The following SLC6A19 variants were observed in gnomAD, a reference collection of about 807,000 sequenced individuals.
The protein encoded by SLC6A19 is solute carrier family 6 member 19, also known as sodium-dependent neutral amino acid transporter B(0)AT1.
In SLC6A19, 67 loss-of-function variants were observed where a neutral mutation model predicts 68.3. That is an observed-to-expected ratio of 0.98 (90% CI 0.81 to 1.20). The LOEUF is 1.20. SLC6A19 is among the 50% of genes most tolerant of loss of function. The pLI is 0.00. For missense variants in SLC6A19, 813 were observed against 851.6 expected (o/e 0.95, Z 0.56); for synonymous variants, 392 against 374.9 (o/e 1.05, Z -0.53).
Position 1,222,387 on chromosome 5 carries a change from A to G in SLC6A19, c.*483A>G. 2.2e-6 allele frequency: 1 copy of G among 462,398 alleles called. No homozygotes were observed. Among genetic ancestry groups the G allele is most frequent in the African/African-American group, 1.9e-5 (1 of 51,896 alleles). The allele number at this position is 462,398 out of a possible 1,614,324, so 28.6% of individuals were successfully genotyped here. A position where few individuals can be genotyped will look rare whatever the true frequency, so the allele number is the denominator to read the frequency against. On this transcript the variant is annotated 3_prime_UTR_variant, in exon 12 of 12. Transcript: ENST00000304460. ...GCTCGTACAATGGGTGTCCACATGC[A>G]CGTGTATATGTATATCTGTGAGTGT...
intron 1 of SLC6A19, 35 bp from the exon 2 acceptor site, chr5:1,208,709 AAC>A: frequency 6.2e-7 from 1 of 1,612,936 alleles, no homozygotes; most frequent in Non-Finnish European, 8.5e-7. Flanking sequence ...CTCCCCCGGG[AAC>A]GGCTCTCAGG....
chr5:1,217,541 C>T (rs1746243378), intron 8 of SLC6A19, among the ~76,000 whole-genome samples: 1 of 152,220 alleles, frequency 6.6e-6, no homozygotes, highest in African/African-American at 2.4e-5. Context: ...CTTCAGGGCC[C>T]AGTGCTGCTT....
Position 1,222,066 on chromosome 5 carries a change from T to C in SLC6A19, c.*162T>C, listed in dbSNP as rs1184401660. On this transcript the variant is annotated 3_prime_UTR_variant, in exon 12 of 12. Transcript: ENST00000304460. Reference sequence around the variant, plus strand: ...CACGCATGTGCCATGTGTGCAGATATGTATCGTGTGTGCATGTACATGCAT... The same window carrying C: ...CACGCATGTGCCATGTGTGCAGATACGTATCGTGTGTGCATGTACATGCAT... The C allele has an allele frequency of 1.8e-5, 14 of 780,856 alleles. No individual in the cohort carries two copies. Among genetic ancestry groups the C allele is most frequent in the Non-Finnish European group, 2.9e-5 (14 of 483,870 alleles). 48.4% of individuals were successfully genotyped at this position (780,856 alleles called of 1,614,324 possible). A position where few individuals can be genotyped will look rare whatever the true frequency, so the allele number is the denominator to read the frequency against.
rs1259986392 is a variant in SLC6A19, at chr5:1,218,929, C to T, written c.1200C>T (p.Phe400=). The change falls in exon 9 of 12, where the codon TTC becomes TTT. Residue 400 remains phenylalanine (F), a synonymous_variant. Coordinates refer to ENST00000304460, the MANE Select transcript of SLC6A19 (RefSeq NM_001003841.3). ...SEAVEGTGLA[F]IVFTEAITKM... ...CCGTGGAGGGCACAGGCCTGGCCTT[C>T]ATCGTCTTCACCGAGGCCATCACCA... 2 of 1,613,816 alleles carry T rather than the reference C, an allele frequency of 1.2e-6. No homozygotes were observed. Among genetic ancestry groups the T allele is most frequent in the Non-Finnish European group, 1.7e-6 (2 of 1,180,024 alleles).
Position 1,222,307 on chromosome 5 carries a change from TTG to T in SLC6A19, c.*410_*411del. 1 of 541,996 alleles carries T rather than the reference TTG, an allele frequency of 1.8e-6. No homozygotes were observed. The highest frequency in any genetic ancestry group is 3.3e-5 in the Admixed American group (1 of 29,966). The allele number at this position is 541,996 out of a possible 1,614,324, so 33.6% of individuals were successfully genotyped here. On this transcript the variant is annotated 3_prime_UTR_variant, in exon 12 of 12. Coordinates refer to ENST00000304460, the MANE Select transcript of SLC6A19 (RefSeq NM_001003841.3). ...GTATATATAGACATACATGCCTATG[TTG>T]TGTGTGGTGTGCATATGTGTGAACA...
chr5:1,211,035 G>A (rs189391655), intron 3 of SLC6A19, among the ~76,000 whole-genome samples: 48 of 152,310 alleles, frequency 3.2e-4, no homozygotes, highest in African/African-American at 1.1e-3. Flanking sequence ...GGGAGGGAGC[G>A]TAGGGGGCAG....
chr5:1,213,829 G>A, intron 5 of SLC6A19, 124 bp from the exon 6 acceptor site: 1 of 1,491,164 alleles, frequency 6.7e-7, no homozygotes, highest in Non-Finnish European at 9.2e-7. Context: ...CACCCCAGGG[G>A]GCCCTGGCCT....
At position 1,219,065 on chromosome 5, in the gene SLC6A19, C is replaced by T. The variant is rs1360899042; in HGVS notation, c.1336C>T (p.Leu446Phe). 2 of 1,613,948 alleles carry T rather than the reference C, an allele frequency of 1.2e-6. No homozygotes were observed. Among genetic ancestry groups the T allele is most frequent in the East Asian group, 4.5e-5 (2 of 44,852 alleles). The change falls in exon 9 of 12, where the codon CTC becomes TTC. Residue 446 changes from leucine (L) to phenylalanine (F), a missense_variant. Transcript: ENST00000304460. ...GGGCGTCGTTGTGCCCCTGCAGGACCTCAGAGTCATCCCCCCGAAGTGGCC... is the reference window on the plus strand; with the variant it reads ...GGGCGTCGTTGTGCCCCTGCAGGACTTCAGAGTCATCCCCCCGAAGTGGCC... The part of the protein sequence containing the change: ...MEGVVVPLQD[L>F]RVIPPKWPKE...
At chr5:1,204,107 A>G (rs958282057) in intron 1 of SLC6A19, among the ~76,000 whole-genome samples, 2 of 152,156 alleles carry the variant, frequency 1.3e-5, no homozygotes, top group Non-Finnish European at 2.9e-5. Flanking sequence ...TTCCTAATTG[A>G]TGCGGGTCAT....
At chr5:1,219,260 G>A (rs1213012619) in intron 9 of SLC6A19, among the ~76,000 whole-genome samples, 153 bp downstream of exon 9, 1 of 150,402 alleles carries the variant, frequency 6.6e-6, no homozygotes, top group Non-Finnish European at 1.5e-5. Context: ...GCCCCCAGGC[G>A]TGTGAACAGC....
rs1746407510 is a variant in SLC6A19 at position 1,222,220 on chromosome 5, G to A, written c.*316G>A. 3.4e-6 allele frequency: 2 copies of A among 586,896 alleles called. No individual in the cohort carries two copies. The highest frequency in any genetic ancestry group is 2.1e-5 in the South Asian group (1 of 46,640). 36.4% of individuals were successfully genotyped at this position (586,896 alleles called of 1,614,324 possible). A position where few individuals can be genotyped will look rare whatever the true frequency, so the allele number is the denominator to read the frequency against. On this transcript the variant is annotated 3_prime_UTR_variant, in exon 12 of 12. Coordinates refer to ENST00000304460, the MANE Select transcript of SLC6A19 (RefSeq NM_001003841.3). ...GTGCATGTACATGTATGGACATTGT[G>A]TGAGTGTGCAAGTGTGCATGCATAT...
intron 1 of SLC6A19, among the ~76,000 whole-genome samples, chr5:1,203,385 G>A (rs1189195885): frequency 6.6e-6 from 1 of 152,144 alleles, no homozygotes; most frequent in Non-Finnish European, 1.5e-5. Flanking sequence ...GCTGCACCCT[G>A]GGCCATGCTG....
Position 1,201,815 on chromosome 5 carries a change from G to T in SLC6A19, c.165G>T (p.Val55=). 6.2e-7 allele frequency: 1 copy of T among 1,612,258 alleles called. No individual in the cohort carries two copies. ...CLGFCVGLGN[V]WRFPYLCQSH... is the part of the protein sequence containing the mutation. Reference sequence around the variant, plus strand: ...GCTTCTGCGTGGGCCTCGGCAACGTGTGGCGCTTCCCCTACCTGTGTCAGA... The same window carrying T: ...GCTTCTGCGTGGGCCTCGGCAACGTTTGGCGCTTCCCCTACCTGTGTCAGA... Residue 55 remains valine, a synonymous_variant, in exon 1 of 12, where the codon GTG becomes GTT. Transcript: ENST00000304460.
rs1211850814 is a variant in SLC6A19 at position 1,214,370 on chromosome 5, C to G, written c.887+305C>G. Among the ~76,000 whole-genome samples the G allele has an allele frequency of 6.6e-6, 1 of 152,152 alleles. No individual in the cohort carries two copies. The highest frequency in any genetic ancestry group is 6.5e-5 in the Admixed American group (1 of 15,290). On this transcript the variant is annotated intron_variant, in intron 6 of 11. Coordinates refer to ENST00000304460, the MANE Select transcript of SLC6A19 (RefSeq NM_001003841.3). The surrounding 1 kb of genome is among the most constrained non-coding windows in gnomAD (Gnocchi z 7.4). ...TCTCCCCAGTTCCCTGCTCCACACC[C>G]ACATCGCTCCCAGCCCACCCCTGGG...
chr5:1,221,036 G>C (rs759003517), intron 10 of SLC6A19, 115 bp from the exon 11 acceptor site: 2 of 1,358,198 alleles, frequency 1.5e-6, no homozygotes, highest in Admixed American at 4.0e-5. Flanking sequence ...CCCTGGCAAG[G>C]GGAGGCCGGG....
rs1745932516 is a variant in SLC6A19, at chr5:1,208,882, C to G, written c.339C>G (p.Gly113=). The G allele has an allele frequency of 1.2e-6, 2 of 1,611,688 alleles. No homozygotes were observed. The highest frequency in any genetic ancestry group is 2.7e-5 in the African/African-American group (2 of 74,910). ...GCTCCATCCACCCGGCCCTGAAGGG[C>G]CTAGGTGAGTGCCTCGGAGCAGTTC... ...VWSSIHPALK[G]LGLASMLTSF... The change falls in exon 2 of 12, where the codon GGC becomes GGG. Residue 113 remains glycine, a synonymous_variant. Coordinates refer to ENST00000304460, the MANE Select transcript of SLC6A19 (RefSeq NM_001003841.3).
Position 1,216,902 on chromosome 5 carries a change from A to C in SLC6A19, c.1130A>C (p.Gln377Pro), listed in dbSNP as rs1466971219. The change falls in exon 8 of 12, where the codon CAG becomes CCG. Residue 377 changes from glutamine (Q) to proline (P), a missense_variant. Physicochemically the swap from Gln to Pro is moderately conservative, Grantham distance 76 (BLOSUM62 -1). Transcript: ENST00000304460. Reference sequence around the variant, plus strand: ...GCCTCCGACCCCGCGGCCTACGCGCAGCTGGTGTTCCAGACCTGCGACATC... The same window carrying C: ...GCCTCCGACCCCGCGGCCTACGCGCCGCTGGTGTTCCAGACCTGCGACATC... ...CNASDPAAYA[Q>P]LVFQTCDINA... is the part of the protein sequence containing the mutation. The C allele has an allele frequency of 1.2e-6, 2 of 1,613,454 alleles. No homozygotes were observed. Among genetic ancestry groups the C allele is most frequent in the East Asian group, 4.5e-5 (2 of 44,892 alleles).
chr5:1,213,393 C>T (rs1303124527), intron 4 of SLC6A19, 70 bp from the exon 5 acceptor site: 8 of 595,710 alleles, frequency 1.3e-5, no homozygotes, highest in Non-Finnish European at 1.8e-5. Flanking sequence ...GCCCCGCCCC[C>T]ACGTGCCGCC....
chr5:1,212,502 C>G lies in SLC6A19; in HGVS notation c.663+18C>G. 2 of 1,603,822 alleles carry G rather than the reference C, an allele frequency of 1.2e-6. No homozygotes were observed. Among genetic ancestry groups the G allele is most frequent in the Non-Finnish European group, 1.7e-6 (2 of 1,179,690 alleles). On this transcript the variant is annotated intron_variant, in intron 4 of 11. Transcript: ENST00000304460. This position sits in a 1 kb window ranked among gnomAD's most constrained non-coding sequence, Gnocchi z 5.1. ...CCGGGAAGGTACTGCATGGGCCCGG[C>G]CAGGCTGCAGGTGCTCCAGAGGGCG...
Sources: allele counts gnomAD v4.1 joint callset (sites outside exome capture counted in the v4.1 genomes callset), GRCh38; gene constraint gnomAD v4.1.1; non-coding constraint Gnocchi (gnomAD v3.1); transcripts MANE v1.5; gene names NCBI Gene and HGNC (gene_info 2026-07-23, HGNC 2026-07-21).